Variants in COLEC12 observed in about 807,000 individuals in gnomAD.
The protein encoded by COLEC12 is collectin-12.
A neutral mutation model predicts 71.1 loss-of-function variants in COLEC12; 33 were observed. The observed-to-expected ratio is 0.46, with a 90% confidence interval of 0.35 to 0.62. The LOEUF is 0.62. Among genes scored for constraint, COLEC12 ranks in the 20% least tolerant of loss-of-function variants. COLEC12 has a pLI of 0.00. For missense variants in COLEC12, 765 were observed against 916.1 expected, an observed-to-expected ratio of 0.84 and a Z score of 2.13; for synonymous variants, 350 against 353.0, an observed-to-expected ratio of 0.99 and a Z score of 0.10.
At chr18:397,016 T>C (rs1915585764) in intron 2 of COLEC12, among the ~76,000 whole-genome samples, 1 of 152,218 alleles carries the variant, frequency 6.6e-6, no homozygotes, top group Non-Finnish European at 1.5e-5. Context: ...GAATGCCCAG[T>C]CAGCTCTGGA....
At chr18:377,519 C>T (rs540615199) in intron 2 of COLEC12, among the ~76,000 whole-genome samples, 17 of 152,294 alleles carry the variant, frequency 1.1e-4, no homozygotes, top group African/African-American at 3.6e-4. Context: ...CTTTCTCGCC[C>T]CTTCCAGCAA....
intron 2 of COLEC12, among the ~76,000 whole-genome samples, chr18:445,635 C>T (rs1247805939): frequency 7.3e-6 from 1 of 137,382 alleles, no homozygotes; most frequent in Non-Finnish European, 1.5e-5. Context: ...CACTAATCCA[C>T]TTTTTTTTTT....
chr18:470,078 C>A (rs1917163368), intron 2 of COLEC12, among the ~76,000 whole-genome samples: 1 of 152,086 alleles, frequency 6.6e-6, no homozygotes, highest in Non-Finnish European at 1.5e-5. Flanking sequence ...AAAAGCAATT[C>A]AATCATAAGA....
At chr18:458,591 C>T (rs1398736948) in intron 2 of COLEC12, among the ~76,000 whole-genome samples, 1 of 152,258 alleles carries the variant, frequency 6.6e-6, no homozygotes, top group Non-Finnish European at 1.5e-5. Context: ...AGCTCAAGAC[C>T]TAGGAGCTGA....
intron 2 of COLEC12, among the ~76,000 whole-genome samples, chr18:465,186 T>C (rs1211844273): frequency 2.0e-5 from 3 of 152,186 alleles, no homozygotes; most frequent in African/African-American, 7.2e-5. Context: ...CACTGCAACC[T>C]CTGCCTCCCA....
At chr18:491,994 A>C (rs897078177) in intron 1 of COLEC12, among the ~76,000 whole-genome samples, 2 of 152,234 alleles carry the variant, frequency 1.3e-5, no homozygotes, top group Admixed American at 1.3e-4. Context: ...GCAGCGTAAC[A>C]AAGTATCTGA....
At chr18:417,646 T>C (rs1250097170) in intron 2 of COLEC12, among the ~76,000 whole-genome samples, 5 of 152,094 alleles carry the variant, frequency 3.3e-5, no homozygotes, top group Non-Finnish European at 5.9e-5. Flanking sequence ...GTGGACACAG[T>C]AGAGGTGCTG....
chr18:481,431 G>A (rs1307827768), intron 1 of COLEC12, among the ~76,000 whole-genome samples: 2 of 152,182 alleles, frequency 1.3e-5, no homozygotes, highest in East Asian at 1.9e-4. Context: ...TCGGCCGGGC[G>A]CAGTGGCTCA....
intron 2 of COLEC12, among the ~76,000 whole-genome samples, chr18:358,527 C>A (rs1378853281): frequency 1.3e-5 from 2 of 152,164 alleles, no homozygotes; most frequent in Admixed American, 6.5e-5. Flanking sequence ...GCACAGTTCA[C>A]AACAGGATTC....
rs1025474425 is a variant in COLEC12, at chr18:444,729, T to C, written c.58+35978A>G. ...AACCCCAATGTGAAAACAACTTTTA[T>C]TTTAAAAAAGATGTATCTGCAAACA... On this transcript the variant is annotated intron_variant, in intron 2 of 9. Transcript: ENST00000400256. 5.9e-5 allele frequency among the ~76,000 whole-genome samples: 9 copies of C among 152,204 alleles called. No homozygotes were observed. In the South Asian group the frequency reaches 6.2e-4, roughly 10 times the overall value.
At position 346,496 on chromosome 18, in the gene COLEC12, T is replaced by A; in HGVS notation, c.1126A>T (p.Thr376Ser). Residue 376 changes from threonine (T) to serine (S), a missense_variant, in exon 5 of 10, where the codon ACC becomes TCC. Transcript: ENST00000400256. This position sits in a 1 kb window ranked among gnomAD's most constrained non-coding sequence, Gnocchi z 4.0. ...GAGGTCAGATCATCTGTGTGTTTGGTAAGGGTATCTGTGCAAGTGGTCCTG... is the reference window on the plus strand; with the variant it reads ...GAGGTCAGATCATCTGTGTGTTTGGAAAGGGTATCTGTGCAAGTGGTCCTG... ...EVRTTCTDTL[T>S]KHTDDLTSLN... 1 of 1,614,170 alleles carries A rather than the reference T, an allele frequency of 6.2e-7. No homozygotes were observed. The highest frequency in any genetic ancestry group is 1.1e-5 in the South Asian group (1 of 91,074).
chr18:428,535 T>C (rs9960856), intron 2 of COLEC12, among the ~76,000 whole-genome samples: 36,243 of 152,166 alleles, frequency 0.24, 4,710 homozygotes, highest in African/African-American at 0.29. Context: ...TCTGCTATTA[T>C]GCCTTAAAAA....
At chr18:435,914 C>CA (rs1283476838) in intron 2 of COLEC12, among the ~76,000 whole-genome samples, 2 of 152,206 alleles carry the variant, frequency 1.3e-5, no homozygotes. Context: ...GTAAAAGACT[C>CA]AGACGGCATT....
At chr18:434,067 G>A (rs576463890) in intron 2 of COLEC12, among the ~76,000 whole-genome samples, 259 of 151,854 alleles carry the variant, frequency 1.7e-3, no homozygotes, top group African/African-American at 6.0e-3. Context: ...CAAATACCCT[G>A]CAAAGTCTAC....
intron 1 of COLEC12, among the ~76,000 whole-genome samples, chr18:487,058 G>T (rs917054845): frequency 2.6e-5 from 4 of 152,192 alleles, no homozygotes; most frequent in Non-Finnish European, 4.4e-5. Flanking sequence ...CAAAAAAAGG[G>T]GGGGAGACAA....
At position 319,491 on chromosome 18, in the gene COLEC12, T is replaced by C. The variant is rs1273343315; in HGVS notation, c.*554A>G. ...ACCATTATTGTTTTCTTTGGCTCCA[T>C]GTATTATGTCGGTAAAATGACAAAA... On this transcript the variant is annotated 3_prime_UTR_variant, in exon 10 of 10. Coordinates refer to ENST00000400256, the MANE Select transcript of COLEC12 (RefSeq NM_130386.3). The C allele has an allele frequency of 6.9e-6, 1 of 145,870 alleles. No individual in the cohort carries two copies. Among genetic ancestry groups the C allele is most frequent in the Non-Finnish European group, 1.5e-5 (1 of 66,912 alleles). 9.0% of individuals were successfully genotyped at this position (145,870 alleles called of 1,614,324 possible). A position where few individuals can be genotyped will look rare whatever the true frequency, so the allele number is the denominator to read the frequency against.
At chr18:353,006 A>G (rs1453602922) in intron 3 of COLEC12, among the ~76,000 whole-genome samples, 2 of 152,212 alleles carry the variant, frequency 1.3e-5, no homozygotes, top group Non-Finnish European at 2.9e-5. Context: ...CAGGTATTAT[A>G]CCTGAAGATC....
At chr18:343,616 G>A (rs1914306210) in intron 5 of COLEC12, among the ~76,000 whole-genome samples, 1 of 152,060 alleles carries the variant, frequency 6.6e-6, no homozygotes, top group African/African-American at 2.4e-5. Context: ...CCAACTCCCT[G>A]ACCTTCTAGG....
rs751628660 is a variant in COLEC12 at position 347,244 on chromosome 18, T to C, written c.378A>G (p.Thr126=). 52 of 1,614,106 alleles carry C rather than the reference T, an allele frequency of 3.2e-5. No homozygotes were observed. The highest frequency in any genetic ancestry group is 4.1e-5 in the Non-Finnish European group (48 of 1,180,052). The change falls in exon 5 of 10, where the codon ACA becomes ACG. Residue 126 remains threonine (T), a synonymous_variant. Transcript: ENST00000400256. Reference sequence around the variant, plus strand: ...TATCCTTGTTCTTGCTGGTTTTTTCTGTAATCTCACGAAGTTGCTGACGGA... The same window carrying C: ...TATCCTTGTTCTTGCTGGTTTTTTCCGTAATCTCACGAAGTTGCTGACGGA... The part of the protein sequence containing the change: ...LDLRQQLREI[T]EKTSKNKDTL...
Sources: allele counts gnomAD v4.1 joint callset (sites outside exome capture counted in the v4.1 genomes callset), GRCh38; gene constraint gnomAD v4.1.1; non-coding constraint Gnocchi (gnomAD v3.1); transcripts MANE v1.5; gene names NCBI Gene and HGNC (gene_info 2026-07-23, HGNC 2026-07-21).